DOCK4: variants seen among roughly 807,000 people sequenced by gnomAD.
DOCK4 encodes the protein dedicator of cytokinesis 4.
In DOCK4, 97 loss-of-function variants were observed where a neutral mutation model predicts 268.1. That is an observed-to-expected ratio of 0.36 (90% confidence interval 0.31 to 0.43). The LOEUF (loss-of-function observed/expected upper bound fraction) is 0.43. DOCK4 is among the 20% of genes least tolerant of loss of function. The pLI is 1.00. For synonymous variants in DOCK4, 954 were observed against 887.2 expected, an observed-to-expected ratio of 1.08 and a Z score of -1.34; for missense variants, 2,145 against 2,455.7, an observed-to-expected ratio of 0.87 and a Z score of 2.67.
At chr7:111,823,204 C>CCT (rs1212481881) in intron 26 of DOCK4, among the ~76,000 whole-genome samples, 3 of 116,266 alleles carry the variant, frequency 2.6e-5, no homozygotes, top group Non-Finnish European at 5.1e-5. Context: ...GGAAATATTA[C>CCT]TTTTTTTTTT....
At chr7:111,865,228 C>T (rs1292252060) in intron 22 of DOCK4, among the ~76,000 whole-genome samples, 5 of 152,194 alleles carry the variant, frequency 3.3e-5, no homozygotes, top group Admixed American at 6.5e-5. Flanking sequence ...CTAAGAACCA[C>T]TGCTGTACCA....
At chr7:111,910,462 C>A (rs1319080704) in intron 13 of DOCK4, among the ~76,000 whole-genome samples, 2 of 152,186 alleles carry the variant, frequency 1.3e-5, no homozygotes, top group Non-Finnish European at 2.9e-5. Context: ...ACGATACTTG[C>A]CAGCTTTCAA....
At chr7:112,128,666 G>T (rs1260633597) in intron 1 of DOCK4, among the ~76,000 whole-genome samples, 1 of 152,116 alleles carries the variant, frequency 6.6e-6, no homozygotes, top group Non-Finnish European at 1.5e-5. Context: ...AGGGTTAAAT[G>T]GATTAAGGGC....
chr7:111,809,458 A>C, intron 28 of DOCK4, 57 bp from the exon 29 acceptor site: 1 of 1,413,598 alleles, frequency 7.1e-7, no homozygotes, highest in Middle Eastern at 1.8e-4. Flanking sequence ...TTGACAGGTG[A>C]AGTGACATAG....
chr7:112,121,794 G>A (rs1308202770), intron 1 of DOCK4, among the ~76,000 whole-genome samples: 1 of 152,134 alleles, frequency 6.6e-6, no homozygotes, highest in Non-Finnish European at 1.5e-5. Flanking sequence ...GAGACCAGTG[G>A]TTTTGACCCC....
At chr7:111,827,069 A>G (rs1227530077) in intron 26 of DOCK4, among the ~76,000 whole-genome samples, 2 of 152,158 alleles carry the variant, frequency 1.3e-5, no homozygotes, top group African/African-American at 2.4e-5. Flanking sequence ...TTCAAGAACA[A>G]TGAATAGGAC....
At chr7:111,728,753 A>G (rs1404495770) in intron 52 of DOCK4, 33 bp from the exon 53 acceptor site, 4 of 1,568,708 alleles carry the variant, frequency 2.5e-6, no homozygotes, top group Non-Finnish European at 1.7e-6. Flanking sequence ...AGAGGGAGAC[A>G]CAGCATTGAG....
chr7:112,038,660 C>T (rs1804070354), intron 1 of DOCK4, among the ~76,000 whole-genome samples: 2 of 152,172 alleles, frequency 1.3e-5, no homozygotes, highest in African/African-American at 2.4e-5. Flanking sequence ...TGACAACCAA[C>T]ACCAGCGGGT....
intron 12 of DOCK4, among the ~76,000 whole-genome samples, chr7:111,929,522 G>C (rs1440678872): frequency 6.6e-6 from 1 of 152,166 alleles, no homozygotes; most frequent in African/African-American, 2.4e-5. Flanking sequence ...CAAATACAAT[G>C]TTCAAAAATC....
chr7:112,058,242 C>T (rs990409176), intron 1 of DOCK4, among the ~76,000 whole-genome samples: 9 of 151,916 alleles, frequency 5.9e-5, no homozygotes, highest in African/African-American at 2.2e-4. Flanking sequence ...TGTACTTTTA[C>T]AATGTACATA....
At chr7:111,890,895 T>A (rs1294553710) in intron 16 of DOCK4, among the ~76,000 whole-genome samples, 1 of 152,242 alleles carries the variant, frequency 6.6e-6, no homozygotes, top group Non-Finnish European at 1.5e-5. Context: ...AAACCAGAGC[T>A]ATTCTCTGTA....
At position 111,901,967 on chromosome 7, in the gene DOCK4, A is replaced by AT. The variant is rs1339760707; in HGVS notation, c.1193-167dup. On this transcript the variant is annotated intron_variant, in intron 13 of 52. Transcript: ENST00000428084. The stretch of plus-strand genomic sequence containing the variant: ...AAGTGTCCTCACCCTTACTGCCAAC[A>AT]TCTGAGAAGAATAACAGCCAGCCTC... Among the ~76,000 whole-genome samples the AT allele has an allele frequency of 4.6e-5, 7 of 152,360 alleles. No individual in the cohort carries two copies. The East Asian group carries it at 1.2e-3, about 25-fold the overall frequency.
At chr7:112,131,837 C>T (rs1050660153) in intron 1 of DOCK4, among the ~76,000 whole-genome samples, 1 of 152,130 alleles carries the variant, frequency 6.6e-6, no homozygotes, top group African/African-American at 2.4e-5. Context: ...TAACACACTT[C>T]ATGGTTTCAA....
rs548626761 is a variant in DOCK4, at chr7:111,817,415, C to T, written c.2930+4947G>A. Among the ~76,000 whole-genome samples, 497 of 152,252 alleles carry T rather than the reference C, an allele frequency of 3.3e-3. 4 individuals are homozygous for T. Among genetic ancestry groups the T allele is most frequent in the African/African-American group, 0.011 (468 of 41,520 alleles). On this transcript the variant is annotated intron_variant, in intron 27 of 52. Transcript: ENST00000428084. ...AGTGGCGCATATTCCACCTTCCTTC[C>T]TGTTATTATGGATAAACTGTCGACG...
chr7:111,853,961 T>C (rs926097528), intron 23 of DOCK4, among the ~76,000 whole-genome samples: 1 of 151,582 alleles, frequency 6.6e-6, no homozygotes, highest in Non-Finnish European at 1.5e-5. Flanking sequence ...TTAGATGGAG[T>C]CTTGCTCTGT....
chr7:112,080,500 T>C lies in DOCK4; in HGVS notation c.38-76369A>G, dbSNP rs144413219. ...ATGTTACATATCTGCCAGTTTTTGT[T>C]TAAACAACATTTCAGAAATTCTTCT... is the stretch of plus-strand genomic sequence containing the variant. On this transcript the variant is annotated intron_variant, in intron 1 of 52. Coordinates refer to ENST00000428084, the MANE Select transcript of DOCK4 (RefSeq NM_001363540.2). 7.5e-3 allele frequency among the ~76,000 whole-genome samples: 1,140 copies of C among 152,332 alleles called. 8 individuals are homozygous for C. Among genetic ancestry groups the C allele is most frequent in the Non-Finnish European group, 0.013 (860 of 68,030 alleles).
At chr7:112,177,045 T>C (rs1818597544) in intron 1 of DOCK4, among the ~76,000 whole-genome samples, 1 of 152,328 alleles carries the variant, frequency 6.6e-6, no homozygotes, top group South Asian at 2.1e-4. Flanking sequence ...CTTCTAATTC[T>C]AGTCATCACT....
chr7:112,066,957 C>CATATT (rs1554433584), intron 1 of DOCK4, among the ~76,000 whole-genome samples: 1 of 149,184 alleles, frequency 6.7e-6, no homozygotes, highest in African/African-American at 2.5e-5. Context: ...CCAGCCTGGG[C>CATATT]AATATGGCAA....
chr7:112,006,789 T>C (rs1800899930), intron 1 of DOCK4, among the ~76,000 whole-genome samples: 1 of 152,174 alleles, frequency 6.6e-6, no homozygotes, highest in South Asian at 2.1e-4. Flanking sequence ...AAGTGGACAC[T>C]TGTCTCCACC....
Sources: gnomAD v4.1 joint callset for allele counts (sites outside exome capture counted in the v4.1 genomes callset) on GRCh38, gnomAD v4.1.1 for gene constraint, MANE v1.5 for transcripts, NCBI Gene and HGNC (gene_info 2026-07-23, HGNC 2026-07-21) for gene names.